Variants in FBXL14 observed in about 807,000 individuals in gnomAD.
FBXL14 encodes F-box/LRR-repeat protein 14.
Under a neutral mutation model 24.5 loss-of-function variants are expected in FBXL14, and 11 were observed. The observed-to-expected ratio is 0.45, with a 90% CI of 0.28 to 0.74. FBXL14 has a LOEUF of 0.74. FBXL14 is among the 30% of genes least tolerant of loss of function. FBXL14 has a pLI of 0.12. For synonymous variants in FBXL14, 294 were observed against 240.4 expected (o/e 1.22, Z -2.06); for missense variants, 384 against 545.6 (o/e 0.70, Z 2.95).
chr12:1,588,447 T>C (rs1370768151), intron 1 of FBXL14, among the ~76,000 whole-genome samples: 1 of 152,216 alleles, frequency 6.6e-6, no homozygotes, highest in Non-Finnish European at 1.5e-5. Context: ...ATCTGACTCA[T>C]GAAAGAACAT....
chr12:1,568,549 TAAC>T (rs1290376993), intron 1 of FBXL14, among the ~76,000 whole-genome samples: 2 of 152,142 alleles, frequency 1.3e-5, no homozygotes, highest in Admixed American at 1.3e-4. Context: ...TTCAAAGTAA[TAAC>T]AACAATGTAT....
chr12:1,585,031 C>A (rs2094473708), intron 1 of FBXL14, among the ~76,000 whole-genome samples: 1 of 152,170 alleles, frequency 6.6e-6, no homozygotes, highest in East Asian at 1.9e-4. Flanking sequence ...TCAGAAATAG[C>A]AGGACTAATT....
intron 1 of FBXL14, among the ~76,000 whole-genome samples, chr12:1,570,760 A>G (rs898065779): frequency 2.6e-5 from 4 of 152,132 alleles, no homozygotes; most frequent in African/African-American, 4.8e-5. Context: ...TGAATAGTCA[A>G]TGAATGAATC....
chr12:1,594,731 C>T (rs1027452315), upstream of FBXL14, among the ~76,000 whole-genome samples: 5 of 149,780 alleles, frequency 3.3e-5, no homozygotes, highest in Non-Finnish European at 7.4e-5. Flanking sequence ...CCGCGGCCGT[C>T]CGGCCGGAGC....
chr12:1,586,213 T>G (rs1011400427), intron 1 of FBXL14, among the ~76,000 whole-genome samples: 1 of 144,312 alleles, frequency 6.9e-6, no homozygotes, highest in African/African-American at 2.7e-5. Context: ...CTAATGAAAA[T>G]AATATGCTTT....
intron 1 of FBXL14, among the ~76,000 whole-genome samples, chr12:1,584,309 C>A (rs1439381017): frequency 6.6e-6 from 1 of 152,196 alleles, no homozygotes; most frequent in African/African-American, 2.4e-5. Flanking sequence ...TATGATCACA[C>A]CGCTGCACTT....
At position 1,593,862 on chromosome 12, in the gene FBXL14, C is replaced by T; in HGVS notation, c.205G>A (p.Gly69Ser). The change falls in exon 1 of 2, where the codon GGC becomes AGC. Residue 69 changes from glycine to serine, a missense_variant. Coordinates refer to ENST00000339235, the MANE Select transcript of FBXL14 (RefSeq NM_152441.3). This position sits in a 1 kb window ranked among gnomAD's most constrained non-coding sequence, Gnocchi z 7.4. Reference protein sequence around the residue: ...PSLFPSLQARGIRRVQILSLR... With the variant: ...PSLFPSLQARSIRRVQILSLR... The stretch of plus-strand genomic sequence containing the variant: ...CTCAGGATCTGCACCCGGCGGATGC[C>T]CCGGGCCTGCAGGCTGGGGAACAGC... The T allele has an allele frequency of 6.2e-7, 1 of 1,612,884 alleles. No homozygotes were observed. Among genetic ancestry groups the T allele is most frequent in the Non-Finnish European group, 8.5e-7 (1 of 1,179,874 alleles).
rs978532202 is a variant in FBXL14 at position 1,567,883 on chromosome 12, A to G, written c.1195-1073T>C. On this transcript the variant is annotated intron_variant, in intron 1 of 1. Transcript: ENST00000339235. The surrounding 1 kb of genome is among the most constrained non-coding windows in gnomAD (Gnocchi z 4.8). ...GGGAAAAGAAAACCCACCCACACGCACACGCGCGCACACACGTGCGCACAC... is the reference window on the plus strand; with the variant it reads ...GGGAAAAGAAAACCCACCCACACGCGCACGCGCGCACACACGTGCGCACAC... 6.6e-6 allele frequency among the ~76,000 whole-genome samples: 1 copy of G among 152,226 alleles called. No individual in the cohort carries two copies. Among genetic ancestry groups the G allele is most frequent in the Non-Finnish European group, 1.5e-5 (1 of 68,024 alleles).
Position 1,593,626 on chromosome 12 carries a change from C to T in FBXL14, c.441G>A (p.Val147=), listed in dbSNP as rs952896262. ...RIAQYLKGLE[V]LELGGCSNIT... ...TGTTGCTGCAACCTCCCAGCTCCAG[C>T]ACCTCCAGGCCCTTGAGGTACTGGG... Residue 147 remains valine, a synonymous_variant, in exon 1 of 2, where the codon GTG becomes GTA. Coordinates refer to ENST00000339235, the MANE Select transcript of FBXL14 (RefSeq NM_152441.3). This position sits in a 1 kb window ranked among gnomAD's most constrained non-coding sequence, Gnocchi z 7.4. 3.1e-6 allele frequency: 5 copies of T among 1,614,212 alleles called. No individual in the cohort carries two copies. The highest frequency in any genetic ancestry group is 4.2e-6 in the Non-Finnish European group (5 of 1,180,042).
chr12:1,586,742 G>C (rs2094477419), intron 1 of FBXL14, among the ~76,000 whole-genome samples: 1 of 152,180 alleles, frequency 6.6e-6, no homozygotes, highest in African/African-American at 2.4e-5. Flanking sequence ...TGTTGAGACA[G>C]AGAAACCGAA....
At chr12:1,594,777 C>A (rs1014661772), upstream of FBXL14, among the ~76,000 whole-genome samples, 1 of 150,470 alleles carries the variant, frequency 6.6e-6, no homozygotes, top group Non-Finnish European at 1.5e-5. Flanking sequence ...GCAGGCGGGC[C>A]GTGCGTTTGG....
rs2094438208 is a variant in FBXL14 at position 1,567,470 on chromosome 12, G to A, written c.1195-660C>T. Among the ~76,000 whole-genome samples, 2 of 151,968 alleles carry A rather than the reference G, an allele frequency of 1.3e-5. No individual in the cohort carries two copies. The highest frequency in any genetic ancestry group is 2.9e-5 in the Non-Finnish European group (2 of 67,994). ...CGCGCCACTGTACTGCAGCCTGGGC[G>A]ACAGAGTGGTACTCTGTCTCAAAAA... On this transcript the variant is annotated intron_variant, in intron 1 of 1. Transcript: ENST00000339235. The surrounding 1 kb of genome is among the most constrained non-coding windows in gnomAD (Gnocchi z 4.8).
intron 1 of FBXL14, among the ~76,000 whole-genome samples, chr12:1,584,646 G>T (rs1004732807): frequency 6.6e-6 from 1 of 152,200 alleles, no homozygotes; most frequent in Non-Finnish European, 1.5e-5. Context: ...TCGTACAACC[G>T]TCAGCTGTCA....
chr12:1,571,435 T>C (rs1409583139), intron 1 of FBXL14, among the ~76,000 whole-genome samples: 1 of 152,146 alleles, frequency 6.6e-6, no homozygotes, highest in African/African-American at 2.4e-5. Context: ...CTCGAACTCC[T>C]GACCTCAGGT....
At chr12:1,571,892 C>G (rs928862041) in intron 1 of FBXL14, among the ~76,000 whole-genome samples, 4 of 152,236 alleles carry the variant, frequency 2.6e-5, no homozygotes, top group Non-Finnish European at 4.4e-5. Context: ...CTATACCCAG[C>G]ACTTTCCTGG....
At chr12:1,574,378 G>T (rs1021182760) in intron 1 of FBXL14, among the ~76,000 whole-genome samples, 2 of 150,932 alleles carry the variant, frequency 1.3e-5, no homozygotes, top group African/African-American at 4.9e-5. Flanking sequence ...GGTGGCAGCG[G>T]TGTGGATGGA....
At chr12:1,578,532 T>C (rs1481791016) in intron 1 of FBXL14, among the ~76,000 whole-genome samples, 2 of 151,936 alleles carry the variant, frequency 1.3e-5, no homozygotes, top group African/African-American at 4.8e-5. Context: ...TTCCAGCCAC[T>C]TGGGAGGCTG....
In FBXL14 at chr12:1,581,814, G is replaced by A. The variant is rs528202263; in HGVS notation, c.1194+11059C>T. Reference sequence around the variant, plus strand: ...GGTTGTTTCTGTGGTTACAGAAAGAGGGCCTACCTTCTTGAAAATGAAGCC... The same window carrying A: ...GGTTGTTTCTGTGGTTACAGAAAGAAGGCCTACCTTCTTGAAAATGAAGCC... On this transcript the variant is annotated intron_variant, in intron 1 of 1. Coordinates refer to ENST00000339235, the MANE Select transcript of FBXL14 (RefSeq NM_152441.3). Among the ~76,000 whole-genome samples, 129 of 152,314 alleles carry A rather than the reference G, an allele frequency of 8.5e-4. 3 individuals are homozygous for A. Among genetic ancestry groups the A allele is most frequent in the Admixed American group, 7.5e-3 (115 of 15,296 alleles).
chr12:1,591,507 G>T (rs900873762), intron 1 of FBXL14, among the ~76,000 whole-genome samples: 1 of 152,004 alleles, frequency 6.6e-6, no homozygotes, highest in Non-Finnish European at 1.5e-5. Context: ...AGGTCTCTGG[G>T]TTTCTTTAAC....
Sources: gnomAD v4.1 joint callset for allele counts (sites outside exome capture counted in the v4.1 genomes callset) on GRCh38, gnomAD v4.1.1 for gene constraint, Gnocchi (gnomAD v3.1) non-coding constraint, MANE v1.5 for transcripts, NCBI Gene and HGNC (gene_info 2026-07-23, HGNC 2026-07-21) for gene names.